QTGAL: variants seen among roughly 807,000 people sequenced by gnomAD.
QTGAL encodes BGnT-like protein 1.
At chr17:83,012,476 G>A in the QTGAL span, among the ~76,000 whole-genome samples, 9 of 152,174 alleles carry the variant, frequency 5.9e-5, no homozygotes, top group African/African-American at 9.7e-5. Context: ...TAAATAGCTG[G>A]CAACTGTCAT....
chr17:82,944,446 C>G, the QTGAL span: 11 of 152,234 alleles, frequency 7.2e-5, no homozygotes, highest in Admixed American at 7.2e-4. Context: ...AATGAACAAG[C>G]AAGCACCATC....
the QTGAL span, among the ~76,000 whole-genome samples, chr17:82,972,699 C>T: frequency 3.1e-5 from 4 of 128,146 alleles, no homozygotes; most frequent in East Asian, 2.4e-4. Context: ...CACCACACCA[C>T]AGGGGCCAGA....
the QTGAL span, among the ~76,000 whole-genome samples, chr17:82,971,448 C>T: frequency 6.6e-6 from 1 of 152,126 alleles, no homozygotes; most frequent in Non-Finnish European, 1.5e-5. Context: ...GGGGCAGCTC[C>T]GTGGCAGCGA....
the QTGAL span, among the ~76,000 whole-genome samples, chr17:83,002,873 T>A: frequency 1.3e-5 from 1 of 77,884 alleles, no homozygotes; most frequent in Non-Finnish European, 2.6e-5. Flanking sequence ...CGTGTGGGAT[T>A]CCTGAGCCCG....
chr17:83,015,745 C>T, the QTGAL span, among the ~76,000 whole-genome samples: 5 of 152,334 alleles, frequency 3.3e-5, no homozygotes, highest in South Asian at 2.1e-4. The surrounding 1 kb of genome is among the most constrained non-coding windows in gnomAD (Gnocchi z 4.4). Context: ...ATTAGACCCT[C>T]ACAGGAGCGC....
chr17:83,033,370 G>A, the QTGAL span, among the ~76,000 whole-genome samples: 1 of 152,078 alleles, frequency 6.6e-6, no homozygotes, highest in Admixed American at 6.5e-5. Context: ...ATGCCAAGAA[G>A]GAAGCTGAGG....
chr17:82,952,521 A>G, the QTGAL span, among the ~76,000 whole-genome samples: 1 of 152,240 alleles, frequency 6.6e-6, no homozygotes, highest in African/African-American at 2.4e-5. Flanking sequence ...ACTATCCTAA[A>G]TATACACACA....
At chr17:82,990,546 C>T in the QTGAL span, among the ~76,000 whole-genome samples, 1 of 152,262 alleles carries the variant, frequency 6.6e-6, no homozygotes, top group African/African-American at 2.4e-5. Context: ...TTATTGGTAA[C>T]AACTTGAAAT....
At chr17:83,001,302 A>G in the QTGAL span, among the ~76,000 whole-genome samples, 1 of 152,230 alleles carries the variant, frequency 6.6e-6, no homozygotes, top group Non-Finnish European at 1.5e-5. Context: ...CAAATCATTC[A>G]ACATCGTCCA....
the QTGAL span, among the ~76,000 whole-genome samples, chr17:83,007,591 C>T: frequency 6.6e-6 from 1 of 151,954 alleles, no homozygotes; most frequent in South Asian, 2.1e-4. Flanking sequence ...CAGGTGAGTA[C>T]ACGCCAGCCC....
At chr17:83,033,268 T>C in the QTGAL span, among the ~76,000 whole-genome samples, 1 of 152,170 alleles carries the variant, frequency 6.6e-6, no homozygotes, top group Non-Finnish European at 1.5e-5. Context: ...CGGAAACTTC[T>C]CCACCGTGAC....
the QTGAL span, among the ~76,000 whole-genome samples, chr17:82,963,437 A>G: frequency 1.3e-5 from 2 of 152,246 alleles, no homozygotes; most frequent in African/African-American, 2.4e-5. Flanking sequence ...ACGCAGGGAC[A>G]TGAAGTCCAG....
chr17:82,947,199 A>G, the QTGAL span: 2 of 519,312 alleles, frequency 3.9e-6, no homozygotes, highest in Admixed American at 3.5e-5. Context: ...ACCAGAGGGG[A>G]GGCCCCCCCT....
At chr17:83,035,217 T>G in the QTGAL span, 1 of 847,678 alleles carries the variant, frequency 1.2e-6, no homozygotes, top group East Asian at 3.5e-5. Flanking sequence ...TTCCCTCTTG[T>G]TGCCCAGGCT....
chr17:83,032,857 G>A, the QTGAL span, among the ~76,000 whole-genome samples: 10 of 152,200 alleles, frequency 6.6e-5, no homozygotes, highest in Admixed American at 2.0e-4. Flanking sequence ...GAGCTGGGCC[G>A]ATAAATATGC....
chr17:82,950,409 C>T, the QTGAL span, among the ~76,000 whole-genome samples: 8 of 152,152 alleles, frequency 5.3e-5, no homozygotes, highest in African/African-American at 1.7e-4. Context: ...GCTGGAAGAG[C>T]GGCACTGACG....
the QTGAL span, chr17:82,947,049 C>T: frequency 1.4e-6 from 2 of 1,417,648 alleles, no homozygotes; most frequent in South Asian, 1.2e-5. Flanking sequence ...GTGGAGCCTC[C>T]TCCAGGGCCA....
chr17:83,006,814 G>A, the QTGAL span: 1 of 985,312 alleles, frequency 1.0e-6, no homozygotes, highest in Non-Finnish European at 1.2e-6. This position sits in a 1 kb window ranked among gnomAD's most constrained non-coding sequence, Gnocchi z 5.8. Context: ...AGGTTTGTCT[G>A]TGAACAGCGT....
chr17:83,018,161 G>T, the QTGAL span, among the ~76,000 whole-genome samples: 22 of 124,940 alleles, frequency 1.8e-4, no homozygotes, highest in Non-Finnish European at 3.5e-4. Flanking sequence ...CATGCTCCGC[G>T]AACATGGTGT....
Sources: allele counts gnomAD v4.1 joint callset (sites outside exome capture counted in the v4.1 genomes callset), GRCh38; gene constraint gnomAD v4.1.1; non-coding constraint Gnocchi (gnomAD v3.1); transcripts MANE v1.5; gene names NCBI Gene and HGNC (gene_info 2026-07-23, HGNC 2026-07-21).